Variants in CLCN3 observed in about 807,000 individuals in gnomAD.
CLCN3 encodes the protein Cl-/H+ antiporter 3, also known as H(+)/Cl(-) exchange transporter 3.
In CLCN3, 16 loss-of-function variants were observed where a neutral mutation model predicts 83.4. That is an observed-to-expected ratio of 0.19 (90% confidence interval 0.13 to 0.29). The LOEUF (loss-of-function observed/expected upper bound fraction) is 0.29, where lower values mean the gene tolerates loss of function less well. Ranked by LOEUF, CLCN3 falls within the 10% of genes least tolerant of loss-of-function variation. The pLI is 1.00. For missense variants in CLCN3, 544 were observed against 1,006.0 expected, an observed-to-expected ratio of 0.54 and a Z score of 6.21; for synonymous variants, 322 against 346.2, an observed-to-expected ratio of 0.93 and a Z score of 0.78.
chr4:169,655,242 C>G (rs150800192), intron 2 of CLCN3, among the ~76,000 whole-genome samples: 107 of 152,236 alleles, frequency 7.0e-4, no homozygotes, highest in African/African-American at 2.5e-3. Context: ...GTTGAACTTT[C>G]AAATCCAATT....
intron 3 of CLCN3, among the ~76,000 whole-genome samples, chr4:169,684,711 G>A (rs1732087340): frequency 6.6e-6 from 1 of 152,158 alleles, no homozygotes; most frequent in Non-Finnish European, 1.5e-5. Flanking sequence ...AGCCTCCTAA[G>A]TTTATATGAC....
chr4:169,716,514 T>G (rs1733427124), intron 12 of CLCN3, among the ~76,000 whole-genome samples: 1 of 148,788 alleles, frequency 6.7e-6, no homozygotes. Context: ...AATTGATGGC[T>G]TAAAAAAAAG....
chr4:169,688,996 CA>C, intron 4 of CLCN3, 46 bp from the exon 5 acceptor site: 1 of 1,575,094 alleles, frequency 6.3e-7, no homozygotes, highest in Non-Finnish European at 8.7e-7. Flanking sequence ...TCTCGACTCC[CA>C]AAAAATTGAC....
chr4:169,646,511 G>A (rs970845614), intron 2 of CLCN3, among the ~76,000 whole-genome samples: 2 of 152,030 alleles, frequency 1.3e-5, no homozygotes, highest in Admixed American at 6.5e-5. Context: ...GGCCAGGCTG[G>A]TCTCGAATTC....
At chr4:169,640,399 A>G (rs540532496) in intron 2 of CLCN3, among the ~76,000 whole-genome samples, 23 of 152,308 alleles carry the variant, frequency 1.5e-4, no homozygotes, top group African/African-American at 5.1e-4. Context: ...TTTGAAAGTA[A>G]CTATGTGTAC....
At chr4:169,630,463 T>A (rs1010749615) in intron 1 of CLCN3, among the ~76,000 whole-genome samples, 1 of 152,236 alleles carries the variant, frequency 6.6e-6, no homozygotes, top group African/African-American at 2.4e-5. Flanking sequence ...GGACTTGATT[T>A]TATTCTTTTT....
rs2150283131 is a variant in CLCN3 at position 169,720,564 on chromosome 4, A to C, written c.*567A>C. 2.8e-5 allele frequency: 3 copies of C among 107,906 alleles called. No individual in the cohort carries two copies. The highest frequency in any genetic ancestry group is 8.9e-5 in the Admixed American group (1 of 11,206). 6.7% of individuals were successfully genotyped at this position (107,906 alleles called of 1,614,324 possible). On this transcript the variant is annotated 3_prime_UTR_variant, in exon 13 of 13. Coordinates refer to ENST00000513761, the MANE Select transcript of CLCN3 (RefSeq NM_001829.4). ...TCTCTCTCTCTCTCTCTCTCTACTG[A>C]GCTGTAACAAAGCCTCTTTAAATCG...
In CLCN3 at chr4:169,667,190, C is replaced by T. The variant is rs181185001; in HGVS notation, c.161-12860C>T. Among the ~76,000 whole-genome samples, 755 of 152,022 alleles carry T rather than the reference C, an allele frequency of 5.0e-3. 6 individuals carry two copies. Among genetic ancestry groups the T allele is most frequent in the Non-Finnish European group, 5.5e-3 (375 of 67,978 alleles). On this transcript the variant is annotated intron_variant, in intron 2 of 12. Coordinates refer to ENST00000513761, the MANE Select transcript of CLCN3 (RefSeq NM_001829.4). ...TTATATATGGTGTGAGGTAGGGGTA[C>T]GGTTTCATTCTTTTGCACGTGAATA...
intron 2 of CLCN3, among the ~76,000 whole-genome samples, chr4:169,675,086 A>C (rs1731624077): frequency 6.6e-6 from 1 of 152,252 alleles, no homozygotes; most frequent in Non-Finnish European, 1.5e-5. Context: ...GATAAGCAAG[A>C]ACCCTGTTGG....
In CLCN3 at chr4:169,620,783, G is replaced by A. The variant is rs569805868; in HGVS notation, c.-297G>A. On this transcript the variant is annotated 5_prime_UTR_variant, in exon 1 of 13. Transcript: ENST00000513761. ...TTGGAGATTTTTATTTTTAATTTTG[G>A]GCAGAAGCAGGTTGACTCTAGGGAT... 4.8e-5 allele frequency: 19 copies of A among 398,466 alleles called. No homozygotes were observed. The highest frequency in any genetic ancestry group is 7.5e-5 in the Non-Finnish European group (17 of 226,094). The allele number at this position is 398,466 out of a possible 1,614,324, so 24.7% of individuals were successfully genotyped here. A position where few individuals can be genotyped will look rare whatever the true frequency, so the allele number is the denominator to read the frequency against.
intron 2 of CLCN3, among the ~76,000 whole-genome samples, chr4:169,679,416 C>G (rs772156581): frequency 6.6e-6 from 1 of 150,604 alleles, no homozygotes; most frequent in East Asian, 2.1e-4. Context: ...ACTGGGCGGC[C>G]GGGCAGAGGG....
chr4:169,644,294 C>G (rs891924812), intron 2 of CLCN3, among the ~76,000 whole-genome samples: 2 of 142,594 alleles, frequency 1.4e-5, no homozygotes, highest in African/African-American at 5.3e-5. Flanking sequence ...GAGATGGAGT[C>G]TCCCTCTGTT....
rs545632345 is a variant in CLCN3 at position 169,644,546 on chromosome 4, C to T, written c.160+8458C>T. ...CGTGAGCCACCGTGCCTGGCCAATA[C>T]AACAAGTTCTAGTAAATTTTGGTGC... is the stretch of plus-strand genomic sequence containing the variant. On this transcript the variant is annotated intron_variant, in intron 2 of 12. Coordinates refer to ENST00000513761, the MANE Select transcript of CLCN3 (RefSeq NM_001829.4). Among the ~76,000 whole-genome samples the T allele has an allele frequency of 6.6e-5, 10 of 152,232 alleles. No homozygotes were observed. The East Asian group carries it at 1.9e-3, about 29-fold the overall frequency.
At chr4:169,621,891 G>A (rs553948147) in intron 1 of CLCN3, among the ~76,000 whole-genome samples, 2 of 152,262 alleles carry the variant, frequency 1.3e-5, no homozygotes, top group East Asian at 3.9e-4. Flanking sequence ...GAGTACATAT[G>A]GGAGTTAAAG....
At chr4:169,685,773 T>C (rs938872111) in intron 3 of CLCN3, among the ~76,000 whole-genome samples, 10 of 150,338 alleles carry the variant, frequency 6.7e-5, no homozygotes, top group Non-Finnish European at 1.3e-4. Flanking sequence ...TGAAAACGGC[T>C]TAATATTATC....
intron 2 of CLCN3, among the ~76,000 whole-genome samples, chr4:169,672,079 G>A (rs183204041): frequency 2.6e-5 from 4 of 152,152 alleles, no homozygotes; most frequent in Admixed American, 2.6e-4. Context: ...GGGCGTGGTG[G>A]TGGGCGCCTG....
Position 169,689,065 on chromosome 4 carries a change from C to T in CLCN3, c.441C>T (p.Asp147=), listed in dbSNP as rs1464326057. The T allele has an allele frequency of 1.9e-6, 3 of 1,612,926 alleles. No homozygotes were observed. The highest frequency in any genetic ancestry group is 2.5e-6 in the Non-Finnish European group (3 of 1,179,646). The change falls in exon 5 of 13, where the codon GAC becomes GAT. Residue 147 remains aspartate, a synonymous_variant. Transcript: ENST00000513761. ...LASGALAGLI[D]IAADWMTDLK... is the part of the protein sequence containing the mutation. Reference sequence around the variant, plus strand: ...TAGGGGCACTGGCCGGATTAATAGACATTGCTGCCGATTGGATGACTGACC... The same window carrying T: ...TAGGGGCACTGGCCGGATTAATAGATATTGCTGCCGATTGGATGACTGACC...
At chr4:169,670,000 T>G (rs1014815172) in intron 2 of CLCN3, among the ~76,000 whole-genome samples, 8 of 152,240 alleles carry the variant, frequency 5.3e-5, no homozygotes, top group Admixed American at 2.0e-4. Flanking sequence ...TTGTTTAAGT[T>G]CCTTGTAGAT....
intron 12 of CLCN3, 97 bp from the exon 13 acceptor site, chr4:169,719,810 C>A: frequency 1.1e-6 from 1 of 921,860 alleles, no homozygotes; most frequent in Non-Finnish European, 1.6e-6. Flanking sequence ...GCTTGCTTTG[C>A]TCTATTCCTG....
Sources: gnomAD v4.1 joint callset for allele counts (sites outside exome capture counted in the v4.1 genomes callset) on GRCh38, gnomAD v4.1.1 for gene constraint, MANE v1.5 for transcripts, NCBI Gene and HGNC (gene_info 2026-07-23, HGNC 2026-07-21) for gene names.